The following KIF12 variants were observed in gnomAD, a reference collection of about 807,000 sequenced individuals.
KIF12 encodes kinesin-like protein KIF12.
A neutral mutation model predicts 87.9 loss-of-function variants in KIF12; 80 were observed. The observed-to-expected ratio is 0.91, with a 90% CI of 0.76 to 1.10. The LOEUF (loss-of-function observed/expected upper bound fraction) is 1.10. Ranked by LOEUF, KIF12 falls within the 50% of genes least tolerant of loss-of-function variation. The probability of loss-of-function intolerance (pLI) is 0.00; values close to 1 mark genes in which losing one functional copy is unlikely to be tolerated. For synonymous variants in KIF12, 353 were observed against 348.5 expected (o/e 1.01, Z -0.14); for missense variants, 819 against 865.3 (o/e 0.95, Z 0.67).
intron 9 of KIF12, 61 bp from the exon 10 acceptor site, chr9:114,095,393 G>A (rs1847181768): frequency 6.5e-7 from 1 of 1,540,752 alleles, no homozygotes; most frequent in Non-Finnish European, 8.8e-7. Context: ...ATCAGGCTGG[G>A]ATGCTGCAGA....
chr9:114,094,081 A>G, intron 13 of KIF12, 100 bp downstream of exon 13: 1 of 1,451,330 alleles, frequency 6.9e-7, no homozygotes, highest in Non-Finnish European at 9.6e-7. Context: ...AGGTGGGGAC[A>G]TAAGGGAGCC....
intron 14 of KIF12, 69 bp downstream of exon 14, chr9:114,093,817 A>T: frequency 7.3e-7 from 1 of 1,369,222 alleles, no homozygotes; most frequent in East Asian, 2.3e-5. Context: ...CAAGCAGTTC[A>T]TTAAGCCATC....
intron 16 of KIF12, 73 bp from the exon 17 acceptor site, chr9:114,092,715 G>C: frequency 6.6e-7 from 1 of 1,524,680 alleles, no homozygotes; most frequent in Middle Eastern, 2.3e-4. Flanking sequence ...CCTGGTGCTA[G>C]CCATGACACC....
Position 114,093,956 on chromosome 9 carries a change from G to A in KIF12, c.1330C>T (p.Leu444=). ...TGGGCCAGGTCTCGGCTATTCTGCA[G>A]CTGGCTCTTTTCTTTCCTAGGGGAG... is the stretch of plus-strand genomic sequence containing the variant. ...NERLRKEKSQ[L]QNSRDLAQNE... is the part of the protein sequence containing the mutation. Residue 444 remains leucine, a synonymous_variant, in exon 14 of 19, where the codon CTG becomes TTG. Coordinates refer to ENST00000640217, the MANE Select transcript of KIF12 (RefSeq NM_001388308.1). 1.9e-6 allele frequency: 3 copies of A among 1,614,112 alleles called. No homozygotes were observed. Among genetic ancestry groups the A allele is most frequent in the African/African-American group, 1.3e-5 (1 of 75,064 alleles).
chr9:114,092,931 G>T, intron 16 of KIF12: 1 of 1,430,460 alleles, frequency 7.0e-7, no homozygotes, highest in African/African-American at 1.4e-5. Flanking sequence ...AGCTTGGGGA[G>T]TTACTGAAGG....
chr9:114,098,815 G>T (rs1387943837), intron 3 of KIF12, 120 bp downstream of exon 3: 1 of 1,140,362 alleles, frequency 8.8e-7, no homozygotes, highest in Non-Finnish European at 1.2e-6. Flanking sequence ...TGGGGAGGGC[G>T]GGGCACCTGG....
At chr9:114,097,269 T>C (rs1847271294) in intron 7 of KIF12, 32 bp downstream of exon 7, 1 of 1,600,750 alleles carries the variant, frequency 6.2e-7, no homozygotes, top group Non-Finnish European at 8.5e-7. Context: ...TGGGCACCCC[T>C]ACCCGCAAAA....
At chr9:114,095,628 A>C (rs1367935523) in intron 9 of KIF12, among the ~76,000 whole-genome samples, 1 of 152,154 alleles carries the variant, frequency 6.6e-6, no homozygotes, top group Non-Finnish European at 1.5e-5. Context: ...CGGGCATCTC[A>C]CATGCATGCC....
Position 114,091,918 on chromosome 9 carries a change from GCT to G in KIF12, c.1897_1898del (p.Ser633ProfsTer6). The G allele has an allele frequency of 2.5e-6, 4 of 1,612,864 alleles. No individual in the cohort carries two copies. The highest frequency in any genetic ancestry group is 3.4e-6 in the Non-Finnish European group (4 of 1,179,678). On this transcript the variant is annotated frameshift_variant, in exon 19 of 19. Transcript: ENST00000640217. LOFTEE classifies it low-confidence loss of function (END_TRUNC). The part of the protein sequence containing the change: ...QIGSSLRRGR[S>X]QPPCSEGARS... The stretch of plus-strand genomic sequence containing the variant: ...GTGCGCCCTCACTGCAGGGTGGCTG[GCT>G]GCGGCCACGTCGCAGGGAGCTGCCA...
At position 114,095,341 on chromosome 9, in the gene KIF12, G is replaced by A. The variant is rs767214121; in HGVS notation, c.896-9C>T. The stretch of plus-strand genomic sequence containing the variant: ...CAGGGAGATGCAGTGACCTGGGGAG[G>A]GAGAGCAAGAGTTAGGAAGGTTACA... On this transcript the variant is annotated splice_polypyrimidine_tract_variant and intron_variant, in intron 9 of 18. Transcript: ENST00000640217. 20 of 1,611,630 alleles carry A rather than the reference G, an allele frequency of 1.2e-5. 1 individual carries two copies. In the South Asian group the frequency reaches 1.3e-4, roughly 11 times the overall value.
Position 114,098,367 on chromosome 9 carries a change from C to T in KIF12, c.234G>A (p.Ala78=). ...AFRFGAVLDA[A]RTQEDVFRAC... ...CCCGGAACACGTCCTCCTGCGTGCG[C>T]GCCGCGTCTAGCACCGCACCGAAGC... Residue 78 remains alanine (A), a synonymous_variant, in exon 4 of 19, where the codon GCG becomes GCA. Transcript: ENST00000640217. 2 of 1,498,464 alleles carry T rather than the reference C, an allele frequency of 1.3e-6. No homozygotes were observed. The highest frequency in any genetic ancestry group is 1.8e-6 in the Non-Finnish European group (2 of 1,129,218). The allele number at this position is 1,498,464 out of a possible 1,614,324, so 92.8% of individuals were successfully genotyped here. A position where few individuals can be genotyped will look rare whatever the true frequency, so the allele number is the denominator to read the frequency against.
intron 18 of KIF12, 120 bp downstream of exon 18, chr9:114,092,213 T>A: frequency 6.7e-7 from 1 of 1,491,850 alleles, no homozygotes; most frequent in Non-Finnish European, 8.9e-7. Flanking sequence ...TAGAAAGATC[T>A]TAGAAGCCAC....
chr9:114,097,912 G>A (rs982649404), intron 5 of KIF12, 171 bp from the exon 6 acceptor site: 1 of 980,450 alleles, frequency 1.0e-6, no homozygotes, highest in South Asian at 1.7e-5. Context: ...CTGAGAGCTA[G>A]GAAGGGGCCA....
chr9:114,093,603 G>C, intron 14 of KIF12, 106 bp from the exon 15 acceptor site: 2 of 967,150 alleles, frequency 2.1e-6, no homozygotes, highest in South Asian at 1.5e-5. Context: ...ACCAGGTACC[G>C]GGCCCCATTC....
chr9:114,092,615 T>C lies in KIF12; in HGVS notation c.1624A>G (p.Arg542Gly). ...GGTGGGGGCCGGGCAGATGGGGGCC[T>C]GCCACCTGAGGCCTCAGGGTCCAAC... Reference protein sequence around the residue: ...QVLDPEASGGRPPSARPPPWA... With the variant: ...QVLDPEASGGGPPSARPPPWA... The change falls in exon 17 of 19, where the codon AGG becomes GGG. Residue 542 changes from arginine to glycine, a missense_variant. Arg to Gly is a moderately radical substitution (Grantham distance 125). Coordinates refer to ENST00000640217, the MANE Select transcript of KIF12 (RefSeq NM_001388308.1). The C allele has an allele frequency of 1.0e-5, 16 of 1,598,166 alleles. No homozygotes were observed. Among genetic ancestry groups the C allele is most frequent in the Non-Finnish European group, 1.4e-5 (16 of 1,175,046 alleles).
In KIF12 at chr9:114,095,072, C is replaced by T. The variant is rs746948055; in HGVS notation, c.1070G>A (p.Arg357Gln). 29 of 1,610,186 alleles carry T rather than the reference C, an allele frequency of 1.8e-5. No individual in the cohort carries two copies. The highest frequency in any genetic ancestry group is 2.1e-5 in the Non-Finnish European group (25 of 1,178,186). The change falls in exon 11 of 19, where the codon CGA becomes CAA. Residue 357 changes from arginine (R) to glutamine (Q), a missense_variant. Arg to Gln is a conservative substitution (Grantham distance 43). Coordinates refer to ENST00000640217, the MANE Select transcript of KIF12 (RefSeq NM_001388308.1). Reference protein sequence around the residue: ...QCLPETLSTLRYASRAQRVTT... With the variant: ...QCLPETLSTLQYASRAQRVTT... ...GACCCGCTGAGCTCGGCTTGCATATCGCAGGGTGCTGAGAGTCTCAGGAAG... is the reference window on the plus strand; with the variant it reads ...GACCCGCTGAGCTCGGCTTGCATATTGCAGGGTGCTGAGAGTCTCAGGAAG...
At chr9:114,097,962 C>G (rs1847305725) in intron 5 of KIF12, 153 bp downstream of exon 5, 1 of 957,354 alleles carries the variant, frequency 1.0e-6, no homozygotes, top group Non-Finnish European at 1.5e-6. Flanking sequence ...CAAGTCCCTT[C>G]TCTTTGGTCC....
chr9:114,095,948 T>G, intron 9 of KIF12, 103 bp downstream of exon 9: 1 of 1,321,758 alleles, frequency 7.6e-7, no homozygotes, highest in East Asian at 2.3e-5. Flanking sequence ...TCTTTAACCC[T>G]CTTCTATTTA....
Position 114,096,033 on chromosome 9 carries a change from G to A in KIF12, c.895+18C>T, listed in dbSNP as rs753812532. The stretch of plus-strand genomic sequence containing the variant: ...AGAGGAGAGACAGGAAATCACACCG[G>A]TGGCCCCCAGGTCTCACCCAGGGCC... On this transcript the variant is annotated intron_variant, in intron 9 of 18. Coordinates refer to ENST00000640217, the MANE Select transcript of KIF12 (RefSeq NM_001388308.1). 4 of 1,597,286 alleles carry A rather than the reference G, an allele frequency of 2.5e-6. No homozygotes were observed. The East Asian group carries it at 8.9e-5, about 36-fold the overall frequency.
Sources: allele counts gnomAD v4.1 joint callset (sites outside exome capture counted in the v4.1 genomes callset), GRCh38; gene constraint gnomAD v4.1.1; transcripts MANE v1.5; gene names NCBI Gene and HGNC (gene_info 2026-07-23, HGNC 2026-07-21).